RB1CC1: variants seen among roughly 807,000 people sequenced by gnomAD.
RB1CC1 encodes RB1 inducible coiled-coil 1, also known as RB1-inducible coiled-coil protein 1.
RB1CC1 carries 46 observed loss-of-function variants against 177.5 expected under a neutral mutation model. The ratio of observed to expected loss-of-function variants is 0.26; its 90% confidence interval spans 0.20 to 0.33. RB1CC1 has a LOEUF of 0.33. Among genes scored for constraint, RB1CC1 ranks in the 10% least tolerant of loss-of-function variants. The pLI is 1.00. For missense variants in RB1CC1, 1,703 were observed against 1,816.3 expected (o/e 0.94, Z 1.13); for synonymous variants, 666 against 613.6 (o/e 1.09, Z -1.26).
chr8:52,657,532 G>A lies in RB1CC1; in HGVS notation c.2297C>T (p.Ser766Leu). Residue 766 changes from serine to leucine, a missense_variant, in exon 15 of 24, where the codon TCA (serine) becomes TTA (leucine). Ser to Leu is a moderately radical substitution (Grantham distance 145). Transcript: ENST00000025008. The stretch of plus-strand genomic sequence containing the variant: ...ACTGTCTATCGCATTGATAACTGAT[G>A]AATAAAGTGATTCCACCATCATTTC... ...SPEMMVESLY[S>L]SVINAIDSRR... The A allele has an allele frequency of 1.2e-6, 2 of 1,613,932 alleles. No homozygotes were observed. The highest frequency in any genetic ancestry group is 1.7e-6 in the Non-Finnish European group (2 of 1,179,994).
chr8:52,702,499 T>C (rs1856169720), intron 1 of RB1CC1, among the ~76,000 whole-genome samples: 1 of 152,056 alleles, frequency 6.6e-6, no homozygotes, highest in Non-Finnish European at 1.5e-5. Context: ...GGTGGATCAC[T>C]TGAGGTCAGG....
intron 22 of RB1CC1, 36 bp from the exon 23 acceptor site, chr8:52,624,823 T>C: frequency 7.3e-7 from 1 of 1,366,692 alleles, no homozygotes. Context: ...TTTTTGAAAG[T>C]ATGATTATAA....
At chr8:52,642,865 G>A (rs1849701093) in intron 16 of RB1CC1, 53 bp from the exon 17 acceptor site, 1 of 1,415,736 alleles carries the variant, frequency 7.1e-7, no homozygotes, top group African/African-American at 1.5e-5. Flanking sequence ...TAGCAGCTAG[G>A]ACTTAGAAAA....
At chr8:52,713,261 C>G (rs964732677) in intron 1 of RB1CC1, among the ~76,000 whole-genome samples, 14 of 152,200 alleles carry the variant, frequency 9.2e-5, no homozygotes, top group African/African-American at 2.9e-4. Context: ...CAAGTCTACA[C>G]TACTTCAAGG....
intron 20 of RB1CC1, 99 bp downstream of exon 20, chr8:52,634,822 A>G: frequency 2.9e-6 from 3 of 1,049,968 alleles, no homozygotes; most frequent in Non-Finnish European, 4.1e-6. Context: ...AGATAAGTCA[A>G]TCAAAGCATA....
intron 12 of RB1CC1, 110 bp downstream of exon 12, chr8:52,660,486 T>C: frequency 9.3e-7 from 1 of 1,070,052 alleles, no homozygotes. Flanking sequence ...TTATTTTGAT[T>C]TTTTTTAAAC....
chr8:52,626,397 T>G (rs1206513419), intron 22 of RB1CC1, among the ~76,000 whole-genome samples: 1 of 152,124 alleles, frequency 6.6e-6, no homozygotes, highest in Non-Finnish European at 1.5e-5. Context: ...AACATGGAAA[T>G]GTTGAAAGGT....
At position 52,661,644 on chromosome 8, in the gene RB1CC1, C is replaced by T. The variant is rs755993101; in HGVS notation, c.1249G>A (p.Ala417Thr). ...TGCAACATAATCATCAACTGATTTG[C>T]GTGACTCAGGCATAAATCAGGTAAT... ...SVLPDLCLSH[A>T]NQLMIMLQNH... Residue 417 changes from alanine to threonine, a missense_variant, in exon 9 of 24, where the codon GCA becomes ACA. Physicochemically the swap from Ala to Thr is moderately conservative, Grantham distance 58 (BLOSUM62 0). This residue lies in a region of RB1CC1 where 20 missense variants were observed against 58.4 expected (regional missense o/e 0.34). Transcript: ENST00000025008. The T allele has an allele frequency of 4.3e-6, 7 of 1,612,360 alleles. No individual in the cohort carries two copies. Among genetic ancestry groups the T allele is most frequent in the African/African-American group, 1.3e-5 (1 of 74,866 alleles).
At position 52,628,051 on chromosome 8, in the gene RB1CC1, A is replaced by AT. The variant is rs1563344616; in HGVS notation, c.4616dup (p.Asp1539GlufsTer6). 6.3e-7 allele frequency: 1 copy of AT among 1,599,320 alleles called. No individual in the cohort carries two copies. On this transcript the variant is annotated frameshift_variant, in exon 22 of 24. Coordinates refer to ENST00000025008, the MANE Select transcript of RB1CC1 (RefSeq NM_014781.5). LOFTEE classifies it high-confidence loss of function. ...ACTTACCACCCTCACCTGGTTTGAG[A>AT]TCCAGGGCAGGTAGAGACTCTGAAT... is the stretch of plus-strand genomic sequence containing the variant.
In RB1CC1 at chr8:52,676,426, T is replaced by C. The variant is rs1853131554; in HGVS notation, c.515A>G (p.Glu172Gly). 6.2e-7 allele frequency: 1 copy of C among 1,613,210 alleles called. No individual in the cohort carries two copies. The highest frequency in any genetic ancestry group is 8.5e-7 in the Non-Finnish European group (1 of 1,179,544). ...CTGCAGATAATTTGAATAAATACTTTCAAACTTGAAAAGTAGCTTTTGGTA... is the reference window on the plus strand; with the variant it reads ...CTGCAGATAATTTGAATAAATACTTCCAAACTTGAAAAGTAGCTTTTGGTA... ...NSYQKLLFKF[E>G]SIYSNYLQSI... Residue 172 changes from glutamate (E) to glycine (G), a missense_variant, in exon 6 of 24, where the codon GAA (glutamate) becomes GGA (glycine). Physicochemically the swap from Glu to Gly is moderately conservative, Grantham distance 98 (BLOSUM62 -2). Transcript: ENST00000025008.
chr8:52,670,069 TGCTGG>T (rs1473387481), intron 7 of RB1CC1, among the ~76,000 whole-genome samples: 21 of 152,176 alleles, frequency 1.4e-4, no homozygotes, highest in African/African-American at 5.1e-4. Context: ...CATCCCTAAC[TGCTGG>T]GACTACAGGC....
At chr8:52,688,980 T>C (rs2150623801) in intron 1 of RB1CC1, among the ~76,000 whole-genome samples, 1 of 152,290 alleles carries the variant, frequency 6.6e-6, no homozygotes, top group East Asian at 1.9e-4. Flanking sequence ...AAGTCAACTC[T>C]CCAAAGTTTG....
chr8:52,639,925 T>G (rs975126676), intron 18 of RB1CC1, among the ~76,000 whole-genome samples: 3 of 152,226 alleles, frequency 2.0e-5, no homozygotes, highest in African/African-American at 7.2e-5. Flanking sequence ...TCATGTTCTC[T>G]GTAATTTTTA....
intron 12 of RB1CC1, 116 bp from the exon 13 acceptor site, chr8:52,659,092 T>A: frequency 2.0e-6 from 1 of 488,998 alleles, no homozygotes; most frequent in Non-Finnish European, 3.5e-6. Context: ...TAAAGTGCTT[T>A]AAATGATTAA....
intron 6 of RB1CC1, among the ~76,000 whole-genome samples, chr8:52,675,022 T>C (rs751521663): frequency 6.6e-6 from 1 of 152,156 alleles, no homozygotes; most frequent in Non-Finnish European, 1.5e-5. Flanking sequence ...GTTTATGTTG[T>C]CAAAAGCATA....
chr8:52,653,359 G>A (rs1850786780), intron 15 of RB1CC1, among the ~76,000 whole-genome samples: 1 of 152,114 alleles, frequency 6.6e-6, no homozygotes, highest in African/African-American at 2.4e-5. Flanking sequence ...AACATAATGT[G>A]GCTCTATCAC....
chr8:52,705,159 A>C (rs111802718), intron 1 of RB1CC1, among the ~76,000 whole-genome samples: 13 of 152,340 alleles, frequency 8.5e-5, no homozygotes, highest in African/African-American at 3.1e-4. Context: ...GGTAGTTAAC[A>C]AGTTAGTAGG....
intron 15 of RB1CC1, among the ~76,000 whole-genome samples, chr8:52,648,550 G>T (rs566234921): frequency 6.6e-6 from 1 of 152,258 alleles, no homozygotes; most frequent in South Asian, 2.1e-4. Flanking sequence ...AGGTTACAGC[G>T]TATCACAGTT....
intron 1 of RB1CC1, among the ~76,000 whole-genome samples, chr8:52,692,281 T>C (rs1391998298): frequency 5.9e-5 from 9 of 152,144 alleles, no homozygotes; most frequent in African/African-American, 2.2e-4. Context: ...ACATGAAAAT[T>C]TTATATTTAT....
Sources: allele counts gnomAD v4.1 joint callset (sites outside exome capture counted in the v4.1 genomes callset), GRCh38; gene constraint gnomAD v4.1.1; regional missense constraint gnomAD v4.1.1; transcripts MANE v1.5; gene names NCBI Gene and HGNC (gene_info 2026-07-23, HGNC 2026-07-21).